CNTN6: variants seen among roughly 807,000 people sequenced by gnomAD.
CNTN6 encodes contactin-6.
In CNTN6, 137 loss-of-function variants were observed where a neutral mutation model predicts 122.8. The ratio of observed to expected loss-of-function variants is 1.12; its 90% CI spans 0.97 to 1.29. The LOEUF is 1.29. Among genes scored for constraint, CNTN6 ranks in the 50% most tolerant of loss-of-function variants. CNTN6 has a pLI of 0.00. For synonymous variants in CNTN6, 570 were observed against 426.0 expected (o/e 1.34, Z -4.16); for missense variants, 1,634 against 1,223.4 (o/e 1.34, Z -5.01).
chr3:1,335,879 A>G (rs1702979231), intron 11 of CNTN6, among the ~76,000 whole-genome samples: 2 of 152,000 alleles, frequency 1.3e-5, no homozygotes, highest in Non-Finnish European at 2.9e-5. Flanking sequence ...AAAATTTTAA[A>G]AAGGAATGGG....
chr3:1,325,251 A>G (rs1177416606), intron 8 of CNTN6, among the ~76,000 whole-genome samples: 1 of 151,856 alleles, frequency 6.6e-6, no homozygotes, highest in Non-Finnish European at 1.5e-5. Flanking sequence ...AACCTGTATA[A>G]AACTCCAAAT....
intron 20 of CNTN6, among the ~76,000 whole-genome samples, chr3:1,389,750 G>A (rs1243606216): frequency 6.7e-6 from 1 of 149,646 alleles, no homozygotes; most frequent in Non-Finnish European, 1.5e-5. Flanking sequence ...AAAAGGCAGG[G>A]GTTGCAATCC....
intron 12 of CNTN6, among the ~76,000 whole-genome samples, chr3:1,359,821 C>T (rs1382734813): frequency 6.6e-6 from 1 of 152,012 alleles, no homozygotes; most frequent in Non-Finnish European, 1.5e-5. Context: ...GTTCGTTTGC[C>T]TGCTTTTCTC....
At chr3:1,395,198 A>T (rs1218209329) in intron 20 of CNTN6, among the ~76,000 whole-genome samples, 1 of 152,186 alleles carries the variant, frequency 6.6e-6, no homozygotes, top group East Asian at 1.9e-4. Context: ...TATTACTTTG[A>T]CATTCTACAT....
chr3:1,093,346 G>T (rs2090340031), intron 1 of CNTN6, among the ~76,000 whole-genome samples: 1 of 152,132 alleles, frequency 6.6e-6, no homozygotes, highest in Non-Finnish European at 1.5e-5. Flanking sequence ...TATTCCGGGA[G>T]GTTAGGATCA....
chr3:1,318,028 A>G (rs1222065011), intron 7 of CNTN6, among the ~76,000 whole-genome samples: 1 of 151,628 alleles, frequency 6.6e-6, no homozygotes, highest in South Asian at 2.1e-4. Flanking sequence ...CTTCTCCTTA[A>G]TTGAATGTTT....
At chr3:1,145,439 G>A (rs1056326113) in intron 1 of CNTN6, among the ~76,000 whole-genome samples, 1 of 151,912 alleles carries the variant, frequency 6.6e-6, no homozygotes, top group Non-Finnish European at 1.5e-5. Context: ...TAGGGAGATG[G>A]TTCCTCAAAA....
At chr3:1,349,584 A>G (rs1454707699) in intron 11 of CNTN6, among the ~76,000 whole-genome samples, 1 of 151,872 alleles carries the variant, frequency 6.6e-6, no homozygotes, top group Non-Finnish European at 1.5e-5. Context: ...TGTTCCAGTT[A>G]ATTCTTACAT....
chr3:1,384,297 T>C (rs946964421), intron 19 of CNTN6, among the ~76,000 whole-genome samples: 7 of 152,014 alleles, frequency 4.6e-5, no homozygotes, highest in African/African-American at 1.2e-4. Flanking sequence ...CATTTTTTTT[T>C]CCCTTGGTAA....
At chr3:1,220,653 T>G (rs753546212) in intron 2 of CNTN6, 34 bp from the exon 3 acceptor site, 1 of 1,566,520 alleles carries the variant, frequency 6.4e-7, no homozygotes, top group African/African-American at 1.4e-5. Context: ...AGGGCCACTT[T>G]TTTTTCATGT....
At chr3:1,334,560 A>G (rs1167370521) in intron 11 of CNTN6, among the ~76,000 whole-genome samples, 5 of 152,104 alleles carry the variant, frequency 3.3e-5, no homozygotes, top group Non-Finnish European at 7.4e-5. Flanking sequence ...TATCTTAGTT[A>G]TAACTTTATA....
intron 1 of CNTN6, among the ~76,000 whole-genome samples, chr3:1,117,844 A>G (rs574434443): frequency 6.6e-6 from 1 of 152,282 alleles, no homozygotes; most frequent in African/African-American, 2.4e-5. Context: ...TTATACAGCA[A>G]TTCTAAAGTG....
At chr3:1,124,924 G>T (rs1051785377) in intron 1 of CNTN6, among the ~76,000 whole-genome samples, 5 of 151,906 alleles carry the variant, frequency 3.3e-5, no homozygotes, top group African/African-American at 1.2e-4. Flanking sequence ...GTCTGGGAGG[G>T]TCGTATTATT....
chr3:1,158,909 T>C (rs1299326496), intron 2 of CNTN6, among the ~76,000 whole-genome samples: 11 of 121,862 alleles, frequency 9.0e-5, no homozygotes, highest in East Asian at 5.6e-4. Flanking sequence ...TACACATATA[T>C]ATACACACAC....
chr3:1,329,020 C>A (rs1462149881), intron 10 of CNTN6, among the ~76,000 whole-genome samples: 1 of 151,156 alleles, frequency 6.6e-6, no homozygotes, highest in Non-Finnish European at 1.5e-5. Flanking sequence ...CAGTTGCTAA[C>A]CACAATACAA....
At chr3:1,254,858 C>A (rs1022285381) in intron 4 of CNTN6, among the ~76,000 whole-genome samples, 1 of 151,866 alleles carries the variant, frequency 6.6e-6, no homozygotes, top group African/African-American at 2.4e-5. Context: ...TGAAAAAAAC[C>A]CATGATGTCC....
intron 7 of CNTN6, among the ~76,000 whole-genome samples, chr3:1,320,404 A>G (rs1700688146): frequency 2.0e-5 from 3 of 151,648 alleles, no homozygotes; most frequent in Non-Finnish European, 2.9e-5. Flanking sequence ...TCTTGCTTGA[A>G]GCTTCTACTG....
intron 4 of CNTN6, among the ~76,000 whole-genome samples, chr3:1,263,888 G>A (rs778332410): frequency 6.6e-5 from 10 of 151,568 alleles, no homozygotes; most frequent in Non-Finnish European, 1.0e-4. Context: ...GCCAAGGGAG[G>A]GTTCACTATG....
intron 5 of CNTN6, among the ~76,000 whole-genome samples, chr3:1,289,523 A>AAT (rs1694919135): frequency 6.6e-6 from 1 of 152,126 alleles, no homozygotes; most frequent in Non-Finnish European, 1.5e-5. Context: ...TGAATGTATA[A>AAT]ACTAAGAGAC....
Sources: allele counts gnomAD v4.1 joint callset (sites outside exome capture counted in the v4.1 genomes callset), GRCh38; gene constraint gnomAD v4.1.1; transcripts MANE v1.5; gene names NCBI Gene and HGNC (gene_info 2026-07-23, HGNC 2026-07-21).